SIGLEC6: variants seen among roughly 807,000 people sequenced by gnomAD.
SIGLEC6 encodes sialic acid-binding Ig-like lectin 6.
A neutral mutation model predicts 41.4 loss-of-function variants in SIGLEC6; 31 were observed. The ratio of observed to expected loss-of-function variants is 0.75; its 90% confidence interval spans 0.56 to 1.01. The LOEUF is 1.01. SIGLEC6 is among the 50% of genes least tolerant of loss of function. The pLI is 0.00. For synonymous variants in SIGLEC6, 217 were observed against 231.0 expected (o/e 0.94, Z 0.55); for missense variants, 555 against 558.6 (o/e 0.99, Z 0.06).
At chr19:51,523,746 C>A (rs767228267) in intron 7 of SIGLEC6, among the ~76,000 whole-genome samples, 1 of 152,212 alleles carries the variant, frequency 6.6e-6, no homozygotes, top group Non-Finnish European at 1.5e-5. Flanking sequence ...GTCCGCTGGG[C>A]ACAGTGGCTC....
chr19:51,523,356 T>C lies in SIGLEC6; in HGVS notation c.1189-3101A>G, dbSNP rs75134253. Among the ~76,000 whole-genome samples the C allele has an allele frequency of 1.3e-3, 191 of 152,254 alleles. 4 individuals carry two copies. In the East Asian group the frequency reaches 0.033, roughly 26 times the overall value. ...GCCTGTGGGACAATATCAAGCATTC[T>C]GACACAGGTGCAACTGGGATCCCAG... On this transcript the variant is annotated intron_variant, in intron 7 of 7. Transcript: ENST00000425629.
rs1390677997 is a variant in SIGLEC6 at position 51,518,765 on chromosome 19, G to A, written c.*1317C>T. ...ATAGTGGAGACTGGGATTTGTAAGA[G>A]GAAGCTGTGGAAATGGACATGGGGT... is the stretch of plus-strand genomic sequence containing the variant. On this transcript the variant is annotated 3_prime_UTR_variant, in exon 8 of 8. Transcript: ENST00000425629. Among the ~76,000 whole-genome samples the A allele has an allele frequency of 6.6e-6, 1 of 152,202 alleles. No homozygotes were observed. The highest frequency in any genetic ancestry group is 1.5e-5 in the Non-Finnish European group (1 of 68,042).
chr19:51,525,040 C>G (rs1265660194), intron 7 of SIGLEC6, among the ~76,000 whole-genome samples: 1 of 152,186 alleles, frequency 6.6e-6, no homozygotes, highest in Non-Finnish European at 1.5e-5. Flanking sequence ...CATGTGGAGC[C>G]CCAAGGGCCT....
chr19:51,520,081 C>T lies in SIGLEC6; in HGVS notation c.*1G>A, dbSNP rs778874927. The stretch of plus-strand genomic sequence containing the variant: ...TCAAGGTTATGGCTTTGGACAATTC[C>T]TCACTTGTGTATCTTGATTTCTGAG... On this transcript the variant is annotated 3_prime_UTR_variant, in exon 8 of 8. Transcript: ENST00000425629. 3.9e-6 allele frequency: 6 copies of T among 1,556,020 alleles called. No individual in the cohort carries two copies. The East Asian group carries it at 1.1e-4, about 30-fold the overall frequency.
At position 51,530,967 on chromosome 19, in the gene SIGLEC6, G is replaced by A; in HGVS notation, c.428-8C>T. The A allele has an allele frequency of 6.2e-7, 1 of 1,608,752 alleles. No individual in the cohort carries two copies. The highest frequency in any genetic ancestry group is 8.5e-7 in the Non-Finnish European group (1 of 1,179,396). On this transcript the variant is annotated splice_region_variant and splice_polypyrimidine_tract_variant and intron_variant, in intron 2 of 7. Coordinates refer to ENST00000425629, the MANE Select transcript of SIGLEC6 (RefSeq NM_001245.7). ...TGGGCCTGTGGGTCAGGGCTGGTGA[G>A]GAGATGGGGACGCAGGATCAGGATG...
chr19:51,527,678 A>G, intron 7 of SIGLEC6, 69 bp downstream of exon 7: 1 of 1,351,944 alleles, frequency 7.4e-7, no homozygotes, highest in Non-Finnish European at 1.0e-6. Context: ...GAAATGCCTC[A>G]GGGTCCTTAC....
Position 51,520,203 on chromosome 19 carries a change from G to C in SIGLEC6, c.1241C>G (p.Ala414Gly). ...TGIVSDHPAE[A>G]GPISEDEQEL... ...CTGCTCATCTTCTGAGATGGGGCCA[G>C]CCTCAGCAGGGTGGTCTGAAACTAT... The change falls in exon 8 of 8, where the codon GCT (alanine) becomes GGT (glycine). Residue 414 changes from alanine to glycine, a missense_variant. Transcript: ENST00000425629. 3 of 1,608,782 alleles carry C rather than the reference G, an allele frequency of 1.9e-6. No individual in the cohort carries two copies. The South Asian group carries it at 3.3e-5, about 18-fold the overall frequency.
intron 5 of SIGLEC6, chr19:51,529,466 C>T: frequency 2.0e-6 from 1 of 511,002 alleles, no homozygotes; most frequent in South Asian, 2.2e-5. Context: ...AGCTGTTGAC[C>T]AAGGGTCCGG....
chr19:51,522,641 A>T (rs953774193), intron 7 of SIGLEC6, among the ~76,000 whole-genome samples: 1 of 149,676 alleles, frequency 6.7e-6, no homozygotes, highest in African/African-American at 2.5e-5. Flanking sequence ...CCACAAAAAA[A>T]TTAGCCAGAT....
At chr19:51,525,796 A>C (rs964038148) in intron 7 of SIGLEC6, among the ~76,000 whole-genome samples, 1 of 151,532 alleles carries the variant, frequency 6.6e-6, no homozygotes, top group Non-Finnish European at 1.5e-5. Flanking sequence ...CCCCACCCCT[A>C]GATGAACGTT....
At chr19:51,526,027 C>T (rs976379988) in intron 7 of SIGLEC6, among the ~76,000 whole-genome samples, 3 of 152,052 alleles carry the variant, frequency 2.0e-5, no homozygotes, top group Non-Finnish European at 2.9e-5. Context: ...TACTCTTCAC[C>T]AGGTAAGTCC....
At chr19:51,521,260 G>A (rs528082546) in intron 7 of SIGLEC6, among the ~76,000 whole-genome samples, 4 of 152,284 alleles carry the variant, frequency 2.6e-5, no homozygotes, top group African/African-American at 9.6e-5. Context: ...CACTAAGTGT[G>A]TTATATCTCC....
intron 7 of SIGLEC6, among the ~76,000 whole-genome samples, chr19:51,524,314 A>G (rs1978828560): frequency 6.6e-6 from 1 of 152,240 alleles, no homozygotes; most frequent in Admixed American, 6.5e-5. Context: ...ACAAGCACTA[A>G]TATTAAGAAC....
chr19:51,527,116 G>A (rs2864104), intron 7 of SIGLEC6, among the ~76,000 whole-genome samples: 106,222 of 152,076 alleles, frequency 0.7, 37,615 homozygotes, highest in African/African-American at 0.78. Context: ...CTTGAACAAC[G>A]TATTGGAGGA....
intron 7 of SIGLEC6, among the ~76,000 whole-genome samples, chr19:51,524,395 C>A (rs1978845342): frequency 6.6e-6 from 1 of 152,186 alleles, no homozygotes; most frequent in Non-Finnish European, 1.5e-5. Flanking sequence ...AAAGACATTT[C>A]ATAATGATAA....
Position 51,531,364 on chromosome 19 carries a change from G to T in SIGLEC6, c.223C>A (p.Pro75Thr), listed in dbSNP as rs762898887. Residue 75 changes from proline (P) to threonine (T), a missense_variant, in exon 2 of 8, where the codon CCA becomes ACA. Physicochemically the swap from Pro to Thr is conservative, Grantham distance 38. Transcript: ENST00000425629. ...TCGTCTGGGTCGTTTGTGGCCACTG[G>T]AACATCAGCCCCTTCCAGGAACCAG... is the stretch of plus-strand genomic sequence containing the variant. ...GYWFLEGADV[P>T]VATNDPDEEV... 6.8e-6 allele frequency: 11 copies of T among 1,614,166 alleles called. No homozygotes were observed. The South Asian group carries it at 1.2e-4, about 18-fold the overall frequency.
chr19:51,520,094 C>A lies in SIGLEC6; in HGVS notation c.1350G>T (p.Lys450Asn). The A allele has an allele frequency of 6.4e-7, 1 of 1,569,990 alleles. No homozygotes were observed. The highest frequency in any genetic ancestry group is 8.7e-7 in the Non-Finnish European group (1 of 1,147,262). Reference sequence around the variant, plus strand: ...TTTGGACAATTCCTCACTTGTGTATCTTGATTTCTGAGTACTCAGTGTCGG... The same window carrying A: ...TTTGGACAATTCCTCACTTGTGTATATTGATTTCTGAGTACTCAGTGTCGG... Reference protein sequence around the residue: ...KVTDTEYSEIKIHK With the variant: ...KVTDTEYSEINIHK Residue 450 changes from lysine to asparagine, a missense_variant, in exon 8 of 8, where the codon AAG (lysine) becomes AAT (asparagine). Lys to Asn is a moderately conservative substitution (Grantham distance 94). Transcript: ENST00000425629.
chr19:51,521,763 C>T (rs4801872), intron 7 of SIGLEC6, among the ~76,000 whole-genome samples: 15,036 of 152,110 alleles, frequency 0.099, 997 homozygotes, highest in African/African-American at 0.18. Context: ...TCAGTTCTCA[C>T]TCAGGCTATG....
rs189238840 is a variant in SIGLEC6 at position 51,520,448 on chromosome 19, G to A, written c.1189-193C>T. Among the ~76,000 whole-genome samples, 229 of 151,926 alleles carry A rather than the reference G, an allele frequency of 1.5e-3. 1 individual carries two copies. Among genetic ancestry groups the A allele is most frequent in the South Asian group, 0.011 (55 of 4,816 alleles). On this transcript the variant is annotated intron_variant, in intron 7 of 7. Coordinates refer to ENST00000425629, the MANE Select transcript of SIGLEC6 (RefSeq NM_001245.7). ...TCTGTTGTCCAGGCTGGAGTGCAGC[G>A]GCATGATCACGGCTCAGGCAGCCTT...
Sources: allele counts gnomAD v4.1 joint callset (sites outside exome capture counted in the v4.1 genomes callset), GRCh38; gene constraint gnomAD v4.1.1; transcripts MANE v1.5; gene names NCBI Gene and HGNC (gene_info 2026-07-23, HGNC 2026-07-21).